KCNMA1: variants seen among roughly 807,000 people sequenced by gnomAD.
KCNMA1 encodes the protein potassium calcium-activated channel subfamily M alpha 1, also known as Calcium-activated potassium channel subunit alpha-1.
A neutral mutation model predicts 140.0 loss-of-function variants in KCNMA1; 29 were observed. That is an observed-to-expected ratio of 0.21 (90% CI 0.15 to 0.28). KCNMA1 has a LOEUF of 0.28. KCNMA1 is among the 10% of genes least tolerant of loss of function. KCNMA1 has a pLI of 1.00. For synonymous variants in KCNMA1, 612 were observed against 611.9 expected, an observed-to-expected ratio of 1.00 and a Z score of 0.00; for missense variants, 880 against 1,602.2, an observed-to-expected ratio of 0.55 and a Z score of 7.70.
At chr10:77,121,349 G>T (rs2153948848) in intron 5 of KCNMA1, among the ~76,000 whole-genome samples, 1 of 152,320 alleles carries the variant, frequency 6.6e-6, no homozygotes, top group South Asian at 2.1e-4. Flanking sequence ...TGAAAGCACT[G>T]TTTCTAAGTT....
At chr10:77,334,187 G>A (rs905490184) in intron 2 of KCNMA1, among the ~76,000 whole-genome samples, 1 of 152,086 alleles carries the variant, frequency 6.6e-6, no homozygotes, top group Non-Finnish European at 1.5e-5. Context: ...CAAAGGGCAT[G>A]GATTTTTATC....
intron 1 of KCNMA1, among the ~76,000 whole-genome samples, chr10:77,484,783 C>G (rs11816507): frequency 0.15 from 23,488 of 152,244 alleles, 2,136 homozygotes; most frequent in Middle Eastern, 0.26. Flanking sequence ...TCGCCAACAA[C>G]TTCCCAAGTG....
At chr10:77,503,636 T>C (rs78773324) in intron 1 of KCNMA1, among the ~76,000 whole-genome samples, 1 of 152,328 alleles carries the variant, frequency 6.6e-6, no homozygotes, top group East Asian at 1.9e-4. Flanking sequence ...CCTTGTGCAG[T>C]CATGGGCCCA....
chr10:77,259,149 T>G (rs933901241), intron 2 of KCNMA1, among the ~76,000 whole-genome samples: 11 of 152,076 alleles, frequency 7.2e-5, no homozygotes, highest in Non-Finnish European at 1.2e-4. Context: ...TGCTGTAAAT[T>G]GATTCACTGG....
chr10:77,336,483 G>A (rs567146619), intron 2 of KCNMA1, among the ~76,000 whole-genome samples: 1 of 151,888 alleles, frequency 6.6e-6, no homozygotes, highest in South Asian at 2.1e-4. Flanking sequence ...AGAAAAATCT[G>A]GCAATGTTGG....
chr10:77,097,310 G>A (rs1355459669), intron 9 of KCNMA1, among the ~76,000 whole-genome samples: 1 of 152,112 alleles, frequency 6.6e-6, no homozygotes, highest in Non-Finnish European at 1.5e-5. Context: ...ATGTCTCAAA[G>A]AGACTGACTT....
At chr10:77,131,398 A>C (rs1255850440) in intron 5 of KCNMA1, among the ~76,000 whole-genome samples, 1 of 151,404 alleles carries the variant, frequency 6.6e-6, no homozygotes, top group Non-Finnish European at 1.5e-5. Flanking sequence ...CCAAACAAAA[A>C]AACACTGTCA....
At chr10:77,415,771 T>C (rs535575489) in intron 1 of KCNMA1, among the ~76,000 whole-genome samples, 2 of 152,342 alleles carry the variant, frequency 1.3e-5, no homozygotes, top group South Asian at 4.1e-4. Flanking sequence ...GGGTCCTGCA[T>C]GGCCACAGGG....
chr10:76,995,605 T>A, intron 19 of KCNMA1: 4 of 470,936 alleles, frequency 8.5e-6, no homozygotes, highest in Non-Finnish European at 1.8e-5. Context: ...GGATGGAAGA[T>A]GAGGAGCTAA....
intron 1 of KCNMA1, among the ~76,000 whole-genome samples, chr10:77,511,772 C>T (rs1032119627): frequency 8.6e-5 from 13 of 152,012 alleles, no homozygotes; most frequent in Non-Finnish European, 1.5e-4. Flanking sequence ...CTGTCATGGG[C>T]GAATGCAGGC....
At chr10:77,337,268 A>C (rs1263431647) in intron 2 of KCNMA1, among the ~76,000 whole-genome samples, 1 of 152,208 alleles carries the variant, frequency 6.6e-6, no homozygotes, top group Non-Finnish European at 1.5e-5. Flanking sequence ...TTTACCAAGC[A>C]TAATATAAGT....
intron 23 of KCNMA1, among the ~76,000 whole-genome samples, chr10:76,941,886 T>G (rs141195452): frequency 1.4e-3 from 215 of 152,302 alleles, no homozygotes; most frequent in Middle Eastern, 6.8e-3. Flanking sequence ...CAGTCTCTGG[T>G]GAGGACTTTC....
intron 3 of KCNMA1, among the ~76,000 whole-genome samples, chr10:77,192,259 A>G (rs1466734799): frequency 6.6e-6 from 1 of 152,172 alleles, no homozygotes; most frequent in East Asian, 1.9e-4. Flanking sequence ...ACACACACAG[A>G]TCATTTGCTT....
At chr10:77,290,418 C>A (rs2072779709) in intron 2 of KCNMA1, among the ~76,000 whole-genome samples, 1 of 152,190 alleles carries the variant, frequency 6.6e-6, no homozygotes, top group Non-Finnish European at 1.5e-5. Context: ...GACTTTACAA[C>A]CTTGTTAAAT....
chr10:77,458,346 G>T (rs904123478), intron 1 of KCNMA1, among the ~76,000 whole-genome samples: 2 of 152,180 alleles, frequency 1.3e-5, no homozygotes, highest in Admixed American at 6.5e-5. Context: ...AAGGCCAGGG[G>T]TATGGGCAGG....
At chr10:77,034,114 C>CT (rs2153557191) in intron 15 of KCNMA1, among the ~76,000 whole-genome samples, 2 of 152,030 alleles carry the variant, frequency 1.3e-5, no homozygotes, top group South Asian at 4.2e-4. Flanking sequence ...TGTGGTGGCA[C>CT]ACGTCTCTAG....
chr10:77,422,173 C>T (rs2096880287), intron 1 of KCNMA1, among the ~76,000 whole-genome samples: 1 of 152,196 alleles, frequency 6.6e-6, no homozygotes, highest in Non-Finnish European at 1.5e-5. Context: ...GGCAGCCCCA[C>T]TGAAAAGTGA....
chr10:77,317,544 A>G (rs953134201), intron 2 of KCNMA1, among the ~76,000 whole-genome samples: 1 of 152,220 alleles, frequency 6.6e-6, no homozygotes, highest in Non-Finnish European at 1.5e-5. Context: ...GAAATTTATT[A>G]TCATAGCCTG....
chr10:77,331,626 T>C (rs1402446175), intron 2 of KCNMA1, among the ~76,000 whole-genome samples: 1 of 145,536 alleles, frequency 6.9e-6, no homozygotes, highest in South Asian at 2.3e-4. Context: ...AAGACCAGCA[T>C]GGGCCTGTCT....
Sources: allele counts gnomAD v4.1 joint callset (sites outside exome capture counted in the v4.1 genomes callset), GRCh38; gene constraint gnomAD v4.1.1; transcripts MANE v1.5; gene names NCBI Gene and HGNC (gene_info 2026-07-23, HGNC 2026-07-21).